ARMC8: variants seen among roughly 807,000 people sequenced by gnomAD.
ARMC8 encodes the protein armadillo repeat-containing protein 8.
Under a neutral mutation model 99.3 loss-of-function variants are expected in ARMC8, and 20 were observed. That is an observed-to-expected ratio of 0.20 (90% CI 0.14 to 0.29). ARMC8 has a LOEUF of 0.29. ARMC8 is among the 10% of genes least tolerant of loss of function. ARMC8 has a pLI of 1.00. For synonymous variants in ARMC8, 263 were observed against 278.3 expected (o/e 0.95, Z 0.55); for missense variants, 569 against 809.5 (o/e 0.70, Z 3.60).
At chr3:138,294,832 A>G (rs1220704665) in intron 21 of ARMC8, among the ~76,000 whole-genome samples, 4 of 152,068 alleles carry the variant, frequency 2.6e-5, no homozygotes, top group East Asian at 1.9e-4. Flanking sequence ...TACAAGGATC[A>G]GGATAGATTA....
rs1014725707 is a variant in ARMC8 at position 138,262,716 on chromosome 3, C to T, written c.1135-1023C>T. On this transcript the variant is annotated intron_variant, in intron 12 of 21. Transcript: ENST00000469044. ...AAAATCTCCCCAGGTAATTCTTCTG[C>T]AAGGACAACCAAGGTTAAGATCTAT... is the stretch of plus-strand genomic sequence containing the variant. The T allele has an allele frequency of 3.6e-5, 32 of 882,754 alleles. No individual in the cohort carries two copies. The Middle Eastern group carries it at 9.9e-4, about 27-fold the overall frequency. The allele number at this position is 882,754 out of a possible 1,614,324, so 54.7% of individuals were successfully genotyped here.
chr3:138,214,100 C>T (rs532126511), intron 2 of ARMC8, among the ~76,000 whole-genome samples: 3 of 151,024 alleles, frequency 2.0e-5, no homozygotes, highest in Non-Finnish European at 2.9e-5. Context: ...TGCAGTGAGC[C>T]GAGATTATGC....
intron 16 of ARMC8, among the ~76,000 whole-genome samples, chr3:138,272,238 A>G (rs542075693): frequency 1.8e-4 from 27 of 152,340 alleles, no homozygotes; most frequent in Admixed American, 5.9e-4. Context: ...ATGCCAGTAA[A>G]GTTAAGAAAA....
chr3:138,229,880 CAAGT>C (rs1272190557), intron 6 of ARMC8, among the ~76,000 whole-genome samples: 2 of 152,138 alleles, frequency 1.3e-5, no homozygotes, highest in Admixed American at 6.5e-5. Flanking sequence ...ATACAAGTCA[CAAGT>C]AAGGAGCTTT....
intron 18 of ARMC8, among the ~76,000 whole-genome samples, 177 bp from the exon 19 acceptor site, chr3:138,284,254 G>A (rs1164326576): frequency 6.6e-6 from 1 of 152,204 alleles, no homozygotes; most frequent in Non-Finnish European, 1.5e-5. Context: ...GGTAGATTTT[G>A]TTTGGGTGTG....
intron 1 of ARMC8, 140 bp from the exon 2 acceptor site, chr3:138,209,667 TATCATGAGGA>T (rs2044586146): frequency 3.2e-6 from 2 of 631,120 alleles, no homozygotes; most frequent in African/African-American, 1.8e-5. Flanking sequence ...AAGTATCCCA[TATCATGAGGA>T]GGCAAAACTA....
intron 1 of ARMC8, among the ~76,000 whole-genome samples, chr3:138,208,691 A>G (rs1390972291): frequency 6.6e-6 from 1 of 152,094 alleles, no homozygotes; most frequent in Non-Finnish European, 1.5e-5. Context: ...ATATAAAGAT[A>G]TTTCAGCAGG....
intron 12 of ARMC8, among the ~76,000 whole-genome samples, chr3:138,247,275 A>C (rs934785381): frequency 1.3e-5 from 2 of 151,936 alleles, no homozygotes; most frequent in Non-Finnish European, 2.9e-5. Flanking sequence ...TTTTGTGTAG[A>C]TCCTTAAAGT....
chr3:138,209,836 G>A lies in ARMC8; in HGVS notation c.65G>A (p.Arg22His). 3 of 1,613,662 alleles carry A rather than the reference G, an allele frequency of 1.9e-6. No homozygotes were observed. Among genetic ancestry groups the A allele is most frequent in the Admixed American group, 1.7e-5 (1 of 59,982 alleles). ...TTCTAGGAAGTAACAGCTAGCAGTC[G>A]CCACTATGTTGACAGGCTATTTGAC... ...SVLSEVTASS[R>H]HYVDRLFDPD... is the part of the protein sequence containing the mutation. Residue 22 changes from arginine (R) to histidine (H), a missense_variant, in exon 2 of 22, where the codon CGC becomes CAC. By Grantham distance (29) the Arg-to-His change is conservative (BLOSUM62 0). Around this residue, in one of 2 missense-constraint regions of ARMC8, gnomAD observed 342 missense variants for 391.6 expected, o/e 0.87. Transcript: ENST00000469044.
At chr3:138,193,725 G>T (rs1454138741) in intron 1 of ARMC8, among the ~76,000 whole-genome samples, 2 of 152,150 alleles carry the variant, frequency 1.3e-5, no homozygotes, top group Non-Finnish European at 2.9e-5. Context: ...ATGGATCATA[G>T]ATTTTATCAT....
intron 1 of ARMC8, among the ~76,000 whole-genome samples, chr3:138,194,278 C>T (rs1357354372): frequency 1.2e-4 from 18 of 150,728 alleles, no homozygotes; most frequent in Admixed American, 2.7e-4. Context: ...CTCCTGACCT[C>T]GTGATCCGCC....
chr3:138,258,619 C>G (rs1012769623), intron 12 of ARMC8, among the ~76,000 whole-genome samples: 1 of 152,182 alleles, frequency 6.6e-6, no homozygotes, highest in African/African-American at 2.4e-5. Context: ...AGTCTTGTCC[C>G]GATTACAGGG....
chr3:138,188,386 T>C, intron 1 of ARMC8: 1 of 1,485,438 alleles, frequency 6.7e-7, no homozygotes, highest in Non-Finnish European at 9.0e-7. Context: ...CTGTTTTTTT[T>C]TTTTTTAAAA....
intron 18 of ARMC8, among the ~76,000 whole-genome samples, chr3:138,278,893 G>T (rs2049581819): frequency 6.6e-6 from 1 of 152,078 alleles, no homozygotes; most frequent in Non-Finnish European, 1.5e-5. Context: ...TGTCAGTCTT[G>T]TATCCTGCAT....
At position 138,209,842 on chromosome 3, in the gene ARMC8, A is replaced by T. The variant is rs372967231; in HGVS notation, c.71A>T (p.Tyr24Phe). ...GAAGTAACAGCTAGCAGTCGCCACT[A>T]TGTTGACAGGCTATTTGACCCTGAT... ...LSEVTASSRH[Y>F]VDRLFDPDPQ... The change falls in exon 2 of 22, where the codon TAT becomes TTT. Residue 24 changes from tyrosine (Y) to phenylalanine (F), a missense_variant. Tyr to Phe is a conservative substitution (Grantham distance 22, BLOSUM62 3). Around this residue, in one of 2 missense-constraint regions of ARMC8, gnomAD observed 342 missense variants for 391.6 expected, o/e 0.87. Coordinates refer to ENST00000469044, the MANE Select transcript of ARMC8 (RefSeq NM_001363941.2). The T allele has an allele frequency of 6.2e-7, 1 of 1,613,838 alleles. No homozygotes were observed. The highest frequency in any genetic ancestry group is 8.5e-7 in the Non-Finnish European group (1 of 1,179,902).
intron 12 of ARMC8, chr3:138,262,499 C>A (rs1248926493): frequency 1.3e-6 from 2 of 1,586,014 alleles, no homozygotes. Flanking sequence ...AGGTTTTCCA[C>A]TCTCTCATGT....
chr3:138,245,096 T>TAAG lies in ARMC8; in HGVS notation c.1047_1048insAAG (p.His349_Asp350insLys). ...CCTTTTTTTCCCCATAGCTTGATCATGATTTAAAACATGCTCACGAACTCC... is the reference window on the plus strand; with the variant it reads ...CCTTTTTTTCCCCATAGCTTGATCATAAGGATTTAAAACATGCTCACGAACTCC... On this transcript the variant is annotated inframe_insertion, in exon 12 of 22. Transcript: ENST00000469044. The TAAG allele has an allele frequency of 1.2e-6, 2 of 1,614,102 alleles. No individual in the cohort carries two copies. The highest frequency in any genetic ancestry group is 1.7e-6 in the Non-Finnish European group (2 of 1,179,974).
At chr3:138,245,571 G>A in intron 12 of ARMC8, 1 of 1,055,094 alleles carries the variant, frequency 9.5e-7, no homozygotes, top group Non-Finnish European at 1.1e-6. Context: ...ATGCTATTGA[G>A]AAATTCAAAT....
intron 18 of ARMC8, among the ~76,000 whole-genome samples, chr3:138,283,213 T>G (rs1433927832): frequency 6.6e-6 from 1 of 152,200 alleles, no homozygotes; most frequent in Non-Finnish European, 1.5e-5. Context: ...CTAGGAGAAA[T>G]AAAACCACAC....
Sources: allele counts gnomAD v4.1 joint callset (sites outside exome capture counted in the v4.1 genomes callset), GRCh38; gene constraint gnomAD v4.1.1; regional missense constraint gnomAD v4.1.1; transcripts MANE v1.5; gene names NCBI Gene and HGNC (gene_info 2026-07-23, HGNC 2026-07-21).